Variants in ATP2C2 observed in about 807,000 individuals in gnomAD.
The protein encoded by ATP2C2 is ATPase secretory pathway Ca2+ transporting 2, also known as calcium-transporting ATPase type 2C member 2.
In ATP2C2, 171 loss-of-function variants were observed where a neutral mutation model predicts 110.8. The observed-to-expected ratio is 1.54, with a 90% CI of 1.36 to 1.75. The LOEUF (loss-of-function observed/expected upper bound fraction) is 1.75, where lower values mean the gene tolerates loss of function less well. ATP2C2 is among the 40% of genes most tolerant of loss of function. The probability of loss-of-function intolerance (pLI) is 0.00; values close to 1 mark genes in which losing one functional copy is unlikely to be tolerated. For synonymous variants in ATP2C2, 804 were observed against 508.4 expected (o/e 1.58, Z -7.82); for missense variants, 1,963 against 1,235.0 (o/e 1.59, Z -8.84).
intron 2 of ATP2C2, among the ~76,000 whole-genome samples, chr16:84,402,393 A>G (rs1324642595): frequency 6.6e-6 from 1 of 152,146 alleles, no homozygotes; most frequent in African/African-American, 2.4e-5. Context: ...ATCCTACGGG[A>G]AAAGCTTTCA....
chr16:84,383,441 T>C (rs1910702777), intron 1 of ATP2C2, among the ~76,000 whole-genome samples: 1 of 152,250 alleles, frequency 6.6e-6, no homozygotes, highest in African/African-American at 2.4e-5. Flanking sequence ...CAGCCATGTC[T>C]GGTCCGTAGT....
At chr16:84,448,773 AAGG>A (rs1909995618) in intron 17 of ATP2C2, 84 bp downstream of exon 17, 6 of 1,517,516 alleles carry the variant, frequency 4.0e-6, no homozygotes, top group Non-Finnish European at 8.9e-7. Flanking sequence ...GTCCCTAGTC[AAGG>A]AGGTCACCCG....
At chr16:84,427,496 C>A (rs1023742051) in intron 11 of ATP2C2, among the ~76,000 whole-genome samples, 1 of 152,146 alleles carries the variant, frequency 6.6e-6, no homozygotes, top group African/African-American at 2.4e-5. Context: ...GGCAGACGAT[C>A]ACCTAAGGTC....
chr16:84,459,648 A>C (rs1362608872), intron 23 of ATP2C2: 2 of 1,433,998 alleles, frequency 1.4e-6, no homozygotes, highest in Non-Finnish European at 1.9e-6. Flanking sequence ...GGCAACCTGC[A>C]TGGCTCATTC....
In ATP2C2 at chr16:84,442,587, C is replaced by T. The variant is rs1909370605; in HGVS notation, c.1389C>T (p.Ala463=). The T allele has an allele frequency of 1.2e-6, 2 of 1,613,846 alleles. No homozygotes were observed. The highest frequency in any genetic ancestry group is 1.7e-6 in the Non-Finnish European group (2 of 1,179,944). The change falls in exon 15 of 27, where the codon GCC becomes GCT. Residue 463 remains alanine, a synonymous_variant. Transcript: ENST00000262429. The stretch of plus-strand genomic sequence containing the variant: ...AGCCCACCGAGGGTGCATTGATGGC[C>T]CTGGCGATGAAGGTAGGAGGTCCTG... ...MGQPTEGALM[A]LAMKMDLSDI...
intron 7 of ATP2C2, among the ~76,000 whole-genome samples, chr16:84,421,952 T>C (rs1367113253): frequency 6.6e-6 from 1 of 152,130 alleles, no homozygotes; most frequent in Non-Finnish European, 1.5e-5. Flanking sequence ...TGTCCCTGTC[T>C]GTGTTTCTGG....
chr16:84,453,520 C>G lies in ATP2C2; in HGVS notation c.1980+149C>G, dbSNP rs1407603417. On this transcript the variant is annotated intron_variant, in intron 20 of 26. Transcript: ENST00000262429. The stretch of plus-strand genomic sequence containing the variant: ...TCCAGGGCAGCTGCCCCGGGAGTTA[C>G]CTTTTCATAGCCAGGGGGAGGGGAG... 9 of 1,074,860 alleles carry G rather than the reference C, an allele frequency of 8.4e-6. No homozygotes were observed. In the Admixed American group the frequency reaches 1.3e-4, roughly 16 times the overall value. The allele number at this position is 1,074,860 out of a possible 1,614,324, so 66.6% of individuals were successfully genotyped here.
intron 1 of ATP2C2, among the ~76,000 whole-genome samples, chr16:84,385,757 T>C (rs1400961786): frequency 1.3e-5 from 2 of 152,188 alleles, no homozygotes; most frequent in Non-Finnish European, 2.9e-5. Context: ...AAGCCCCATA[T>C]GAAACCATCA....
intron 1 of ATP2C2, among the ~76,000 whole-genome samples, chr16:84,387,952 T>C (rs4782943): frequency 0.32 from 48,646 of 150,210 alleles, 7,883 homozygotes; most frequent in East Asian, 0.44. Flanking sequence ...TAGAAGCACC[T>C]GGGGGCTTGT....
rs752997716 is a variant in ATP2C2 at position 84,448,697 on chromosome 16, C to T, written c.1660+8C>T. 1.2e-6 allele frequency: 2 copies of T among 1,607,430 alleles called. No individual in the cohort carries two copies. Among genetic ancestry groups the T allele is most frequent in the East Asian group, 2.2e-5 (1 of 44,600 alleles). On this transcript the variant is annotated splice_region_variant and intron_variant, in intron 17 of 26. Transcript: ENST00000262429. ...GGTCGCTCGGTTTGCGGGGTCAGTG[C>T]CTGTGGTCCCGGCCCAGAGCTTTAA...
At chr16:84,405,100 T>C in intron 2 of ATP2C2, 28 bp from the exon 3 acceptor site, 4 of 1,592,732 alleles carry the variant, frequency 2.5e-6, no homozygotes, top group Non-Finnish European at 2.6e-6. Context: ...CGCCCATGAG[T>C]GAGCTTGTGC....
chr16:84,424,398 C>T lies in ATP2C2; in HGVS notation c.919+1135C>T, dbSNP rs1443195360. 2.6e-5 allele frequency among the ~76,000 whole-genome samples: 4 copies of T among 152,222 alleles called. No homozygotes were observed. In the East Asian group the frequency reaches 5.8e-4, roughly 22 times the overall value. On this transcript the variant is annotated intron_variant, in intron 10 of 26. Coordinates refer to ENST00000262429, the MANE Select transcript of ATP2C2 (RefSeq NM_014861.4). ...GGTTAACCAATTCTCCTGCCTCAGC[C>T]TCCTGAATCTCTGGGATTACAGGCA...
chr16:84,452,894 C>T (rs1910424685), intron 18 of ATP2C2, among the ~76,000 whole-genome samples: 1 of 152,164 alleles, frequency 6.6e-6, no homozygotes, highest in Non-Finnish European at 1.5e-5. Context: ...AGTGTTACTC[C>T]TTACCAGCTG....
intron 1 of ATP2C2, among the ~76,000 whole-genome samples, chr16:84,381,969 T>C (rs762649352): frequency 2.6e-5 from 4 of 152,232 alleles, no homozygotes; most frequent in Non-Finnish European, 4.4e-5. Flanking sequence ...CTTGTCAGTG[T>C]TAGGAATACC....
At chr16:84,455,074 G>GGC in intron 21 of ATP2C2, 90 bp downstream of exon 21, 1 of 1,521,772 alleles carries the variant, frequency 6.6e-7, no homozygotes. Context: ...AGATAGAGGG[G>GGC]GGGGTCTCGC....
intron 16 of ATP2C2, 135 bp downstream of exon 16, chr16:84,446,565 C>G (rs944482646): frequency 3.7e-6 from 2 of 543,530 alleles, no homozygotes; most frequent in Non-Finnish European, 6.3e-6. Context: ...CATGGAAAAA[C>G]TTAATCACCA....
chr16:84,389,576 C>T (rs982815721), intron 1 of ATP2C2, among the ~76,000 whole-genome samples: 10 of 152,316 alleles, frequency 6.6e-5, no homozygotes, highest in East Asian at 3.9e-4. Flanking sequence ...GTTTCTTAAA[C>T]GCGGCAGCCC....
At chr16:84,460,181 G>T (rs148994159) in intron 23 of ATP2C2, 89 of 211,964 alleles carry the variant, frequency 4.2e-4, no homozygotes, top group South Asian at 7.9e-4. Context: ...GCTGGCCTCA[G>T]CTGTGTCTGA....
At chr16:84,415,776 C>T (rs1906781811) in intron 7 of ATP2C2, among the ~76,000 whole-genome samples, 185 bp downstream of exon 7, 1 of 152,192 alleles carries the variant, frequency 6.6e-6, no homozygotes, top group African/African-American at 2.4e-5. Flanking sequence ...CCCCTCAAAC[C>T]ATATTTCATA....
Sources: gnomAD v4.1 joint callset for allele counts (sites outside exome capture counted in the v4.1 genomes callset) on GRCh38, gnomAD v4.1.1 for gene constraint, MANE v1.5 for transcripts, NCBI Gene and HGNC (gene_info 2026-07-23, HGNC 2026-07-21) for gene names.